SHROOM2: variants seen among roughly 807,000 people sequenced by gnomAD.
SHROOM2 encodes shroom family member 2, also known as protein Shroom2.
In SHROOM2, 33 loss-of-function variants were observed where a neutral mutation model predicts 75.9. That is an observed-to-expected ratio of 0.43 (90% CI 0.33 to 0.58). SHROOM2 has a LOEUF of 0.58. Among genes scored for constraint, SHROOM2 ranks in the 20% least tolerant of loss-of-function variants. The pLI is 0.04. For synonymous variants in SHROOM2, 655 were observed against 663.6 expected, an observed-to-expected ratio of 0.99 and a Z score of 0.20; for missense variants, 1,434 against 1,461.2, an observed-to-expected ratio of 0.98 and a Z score of 0.30.
intron 3 of SHROOM2, among the ~76,000 whole-genome samples, chrX:9,892,707 C>T (rs1191549807): frequency 8.9e-6 from 1 of 111,803 alleles, no homozygotes; most frequent in Non-Finnish European, 1.9e-5. Flanking sequence ...TCTGTTCTTA[C>T]AGAAGATGGG....
Position 9,937,341 on chromosome X carries a change from G to A in SHROOM2, c.3795G>A (p.Arg1265=), listed in dbSNP as rs750527912. The A allele has an allele frequency of 1.0e-5, 12 of 1,204,908 alleles. No homozygotes were observed. The highest frequency in any genetic ancestry group is 3.6e-5 in the South Asian group (2 of 55,938). ...ACTCGCGCTTCTGTCTGTACACGCG[G>A]CAGGGTGCTGAGCCCGAGGCCCCAC... ...QFYSRFCLYT[R]QGAEPEAPHR... The change falls in exon 7 of 10, where the codon CGG becomes CGA. Residue 1265 remains arginine (R), a synonymous_variant. Transcript: ENST00000380913.
At chrX:9,855,544 CAGATAGAT>C (rs34574616) in intron 1 of SHROOM2, among the ~76,000 whole-genome samples, 1,344 of 108,775 alleles carry the variant, frequency 0.012, 18 homozygotes, top group African/African-American at 0.043. Flanking sequence ...CATATTAATC[CAGATAGAT>C]AGATAGATAG....
At chrX:9,863,302 T>C (rs2084114748) in intron 1 of SHROOM2, among the ~76,000 whole-genome samples, 1 of 111,223 alleles carries the variant, frequency 9.0e-6, no homozygotes, top group Non-Finnish European at 1.9e-5. Context: ...CTCCACATTT[T>C]TGGGAGCCAC....
chrX:9,805,824 A>T (rs1270842619), intron 1 of SHROOM2, among the ~76,000 whole-genome samples: 1 of 108,528 alleles, frequency 9.2e-6, no homozygotes, highest in Non-Finnish European at 1.9e-5. Context: ...GCATCGCTTG[A>T]ACCTGGGAGG....
chrX:9,790,461 T>C (rs2146719969), intron 1 of SHROOM2, among the ~76,000 whole-genome samples: 1 of 111,716 alleles, frequency 9.0e-6, no homozygotes, highest in Admixed American at 9.5e-5. Context: ...CTCTCAACTT[T>C]GTGGCTGCTG....
intron 1 of SHROOM2, among the ~76,000 whole-genome samples, chrX:9,848,292 C>A (rs1328696085): frequency 9.4e-6 from 1 of 106,191 alleles, no homozygotes; most frequent in Non-Finnish European, 1.9e-5. Context: ...ATCATGAGGT[C>A]AGGAGATCGA....
intron 5 of SHROOM2, among the ~76,000 whole-genome samples, chrX:9,911,927 T>C (rs934770295): frequency 2.7e-5 from 3 of 110,331 alleles, no homozygotes; most frequent in Admixed American, 1.9e-4. Flanking sequence ...TGCAGTGGGC[T>C]TTCTATATTT....
At chrX:9,865,751 G>A (rs1358051864) in intron 1 of SHROOM2, among the ~76,000 whole-genome samples, 4 of 108,496 alleles carry the variant, frequency 3.7e-5, no homozygotes, top group Non-Finnish European at 7.6e-5. Context: ...TAGTAGAGAC[G>A]GGGTTTCACC....
rs146757558 is a variant in SHROOM2, at chrX:9,873,753, G to T, written c.267G>T (p.Ala89=). ...GTCTCTCAGGGTTTAGACAGGAAGC[G>T]ATTTGCCTGGTGAAGGGGTCCCATA... ...DIGLSGFRQE[A]ICLVKGSHKT... is the part of the protein sequence containing the mutation. The change falls in exon 2 of 10, where the codon GCG becomes GCT. Residue 89 remains alanine (A), a synonymous_variant. Coordinates refer to ENST00000380913, the MANE Select transcript of SHROOM2 (RefSeq NM_001649.4). 1.7e-6 allele frequency: 2 copies of T among 1,211,452 alleles called. No homozygotes were observed. Among genetic ancestry groups the T allele is most frequent in the Non-Finnish European group, 2.2e-6 (2 of 895,333 alleles).
At chrX:9,938,663 A>C (rs1387533252) in intron 7 of SHROOM2, among the ~76,000 whole-genome samples, 1 of 112,604 alleles carries the variant, frequency 8.9e-6, no homozygotes, top group Non-Finnish European at 1.9e-5. Flanking sequence ...CCACTTGACC[A>C]CAAAGGCATG....
chrX:9,929,838 G>C (rs372841362), intron 5 of SHROOM2, among the ~76,000 whole-genome samples: 1 of 111,639 alleles, frequency 9.0e-6, no homozygotes, highest in East Asian at 2.8e-4. Context: ...GGAAGTAATT[G>C]AATCATGGGG....
At position 9,872,426 on chromosome X, in the gene SHROOM2, G is replaced by A. The variant is rs1030806487; in HGVS notation, c.166-1226G>A. Among the ~76,000 whole-genome samples, 5 of 111,873 alleles carry A rather than the reference G, an allele frequency of 4.5e-5. No homozygotes were observed. In the East Asian group the frequency reaches 1.1e-3, roughly 25 times the overall value. ...CTAAAAATACAAAAATTAGCTGGAC[G>A]TGGTAGCGTGTGCCTGTAATCCCAG... is the stretch of plus-strand genomic sequence containing the variant. On this transcript the variant is annotated intron_variant, in intron 1 of 9. Coordinates refer to ENST00000380913, the MANE Select transcript of SHROOM2 (RefSeq NM_001649.4).
chrX:9,868,809 G>A (rs1004415309), intron 1 of SHROOM2, among the ~76,000 whole-genome samples: 4 of 88,103 alleles, frequency 4.5e-5, no homozygotes, highest in Non-Finnish European at 8.3e-5. Flanking sequence ...CGAACTCCTG[G>A]AATCAAGCGA....
intron 1 of SHROOM2, among the ~76,000 whole-genome samples, chrX:9,829,213 G>A (rs1030108063): frequency 4.5e-5 from 5 of 111,305 alleles, no homozygotes; most frequent in Non-Finnish European, 9.4e-5. Context: ...TAGTAGAGGC[G>A]GGGTTTCACC....
chrX:9,804,312 G>A (rs980281043), intron 1 of SHROOM2, among the ~76,000 whole-genome samples: 1 of 111,753 alleles, frequency 8.9e-6, no homozygotes, highest in Admixed American at 9.5e-5. Context: ...CTGATGGGCC[G>A]GGGCCCAGAG....
chrX:9,912,198 GACACACACACACACAC>G (rs57939278), intron 5 of SHROOM2, among the ~76,000 whole-genome samples: 12 of 16,139 alleles, frequency 7.4e-4, no homozygotes, highest in African/African-American at 1.3e-3. Context: ...TAAATTACAA[GACACACACACACACAC>G]ACACACACAC....
intron 5 of SHROOM2, among the ~76,000 whole-genome samples, chrX:9,904,454 C>T (rs1412867976): frequency 8.9e-6 from 1 of 112,120 alleles, no homozygotes; most frequent in Non-Finnish European, 1.9e-5. Context: ...TAGGCTGTGG[C>T]CTGAGACTTG....
At chrX:9,820,075 A>G (rs376190902) in intron 1 of SHROOM2, among the ~76,000 whole-genome samples, 75 of 108,863 alleles carry the variant, frequency 6.9e-4, no homozygotes, top group African/African-American at 2.5e-3. Context: ...TGTTGGGATT[A>G]CAGGCATGAG....
intron 1 of SHROOM2, among the ~76,000 whole-genome samples, chrX:9,867,091 T>C (rs1299375348): frequency 1.8e-5 from 2 of 111,625 alleles, no homozygotes; most frequent in African/African-American, 6.5e-5. Flanking sequence ...TCATTTGGAT[T>C]GTCTCTTCAA....
Sources: allele counts gnomAD v4.1 joint callset (sites outside exome capture counted in the v4.1 genomes callset), GRCh38; gene constraint gnomAD v4.1.1; transcripts MANE v1.5; gene names NCBI Gene and HGNC (gene_info 2026-07-23, HGNC 2026-07-21).